Variants in NBAS observed in about 807,000 individuals in gnomAD.
NBAS encodes the protein NBAS subunit of NRZ tethering complex.
In NBAS, 219 loss-of-function variants were observed where a neutral mutation model predicts 302.5. The observed-to-expected ratio is 0.72, with a 90% CI of 0.65 to 0.81. NBAS has a LOEUF of 0.81. Ranked by LOEUF, NBAS falls within the 30% of genes least tolerant of loss-of-function variation. NBAS has a pLI of 0.00. For synonymous variants in NBAS, 1,118 were observed against 1,021.6 expected, an observed-to-expected ratio of 1.09 and a Z score of -1.80; for missense variants, 2,932 against 2,841.6, an observed-to-expected ratio of 1.03 and a Z score of -0.72.
chr2:15,350,052 A>G (rs1179180905), intron 35 of NBAS, among the ~76,000 whole-genome samples: 1 of 152,120 alleles, frequency 6.6e-6, no homozygotes, highest in African/African-American at 2.4e-5. Context: ...CTTAGTATTG[A>G]ACTGGGAATA....
the NBAS span, among the ~76,000 whole-genome samples, chr2:14,937,239 T>G: frequency 6.6e-6 from 1 of 152,188 alleles, no homozygotes; most frequent in Non-Finnish European, 1.5e-5. Context: ...CATAGTAGAT[T>G]GTTACAAGTA....
chr2:15,109,736 T>C, the NBAS span, among the ~76,000 whole-genome samples: 12 of 152,040 alleles, frequency 7.9e-5, no homozygotes, highest in Non-Finnish European at 1.8e-4. Flanking sequence ...ACTAATCCCA[T>C]TCATGAGAGC....
intron 44 of NBAS, among the ~76,000 whole-genome samples, chr2:15,240,446 C>CAAAAAAAAAAAAAAAA (rs1175235771): frequency 1.3e-5 from 1 of 75,380 alleles, no homozygotes; most frequent in Non-Finnish European, 3.1e-5. Context: ...ACTAAAAATA[C>CAAAAAAAAAAAAAAAA]AAAAAAAAAA....
At chr2:15,343,670 G>T (rs1015917692) in intron 35 of NBAS, among the ~76,000 whole-genome samples, 7 of 151,818 alleles carry the variant, frequency 4.6e-5, no homozygotes, top group African/African-American at 1.7e-4. Flanking sequence ...TATACCTCAA[G>T]TCTATACTTA....
chr2:15,173,918 C>T (rs1345443714), intron 51 of NBAS, among the ~76,000 whole-genome samples: 1 of 152,182 alleles, frequency 6.6e-6, no homozygotes, highest in Non-Finnish European at 1.5e-5. Flanking sequence ...AATATTTTAT[C>T]GCATCTTTAC....
At chr2:15,441,720 TAAAG>T (rs1336308122) in intron 21 of NBAS, among the ~76,000 whole-genome samples, 1,887 of 152,058 alleles carry the variant, frequency 0.012, 23 homozygotes, top group East Asian at 0.058. Flanking sequence ...GCAAATTGGA[TAAAG>T]AGTCAAGACT....
At chr2:15,386,545 AG>A (rs1015519400) in intron 28 of NBAS, among the ~76,000 whole-genome samples, 4 of 152,138 alleles carry the variant, frequency 2.6e-5, no homozygotes, top group Non-Finnish European at 5.9e-5. Flanking sequence ...GTCTCCCTAC[AG>A]ATCTGGAATT....
chr2:14,971,753 T>C, the NBAS span, among the ~76,000 whole-genome samples: 2 of 152,172 alleles, frequency 1.3e-5, no homozygotes, highest in East Asian at 3.9e-4. Context: ...ACCATGCTTG[T>C]GGAGTCATGA....
Position 15,179,040 on chromosome 2 carries a change from C to T in NBAS, c.6788G>A (p.Arg2263Gln), listed in dbSNP as rs574794539. Reference protein sequence around the residue: ...LPSLKLLLESRDEHLHEMALE... With the variant: ...LPSLKLLLESQDEHLHEMALE... Reference sequence around the variant, plus strand: ...TGCCATCTCGTGCAGATGCTCATCTCGGCTCTCGAGGAGAAGTTTCAGAGA... The same window carrying T: ...TGCCATCTCGTGCAGATGCTCATCTTGGCTCTCGAGGAGAAGTTTCAGAGA... Residue 2263 changes from arginine (R) to glutamine (Q), a missense_variant, in exon 51 of 52, where the codon CGA becomes CAA. Arg to Gln is a conservative substitution (Grantham distance 43). Coordinates refer to ENST00000281513, the MANE Select transcript of NBAS (RefSeq NM_015909.4). 9.3e-6 allele frequency: 15 copies of T among 1,613,978 alleles called. No homozygotes were observed. Among genetic ancestry groups the T allele is most frequent in the South Asian group, 6.6e-5 (6 of 91,064 alleles).
the NBAS span, among the ~76,000 whole-genome samples, chr2:14,860,657 T>C: frequency 6.6e-6 from 1 of 152,142 alleles, no homozygotes; most frequent in Non-Finnish European, 1.5e-5. Context: ...AGAGATTAGA[T>C]TGGCAGTTAC....
chr2:15,353,508 C>T (rs764859062), intron 34 of NBAS, 45 bp downstream of exon 34: 6 of 1,610,662 alleles, frequency 3.7e-6, no homozygotes, highest in African/African-American at 1.3e-5. Flanking sequence ...CACCCAACAA[C>T]ATGGACGTCA....
At chr2:15,472,851 A>G (rs1680018043) in intron 16 of NBAS, among the ~76,000 whole-genome samples, 1 of 152,234 alleles carries the variant, frequency 6.6e-6, no homozygotes, top group Non-Finnish European at 1.5e-5. Context: ...ATCTCTGGTT[A>G]CTAGAAAATA....
chr2:15,112,374 T>A, the NBAS span, among the ~76,000 whole-genome samples: 16 of 151,722 alleles, frequency 1.1e-4, no homozygotes, highest in African/African-American at 2.9e-4. Context: ...TGTGAAAAAA[T>A]TAATAAAAGG....
intron 44 of NBAS, among the ~76,000 whole-genome samples, chr2:15,251,024 C>T (rs529524854): frequency 4.6e-5 from 7 of 152,252 alleles, no homozygotes; most frequent in South Asian, 2.1e-4. Context: ...TTTACTGAGG[C>T]ACTGTTCACA....
At chr2:14,962,905 C>T in the NBAS span, among the ~76,000 whole-genome samples, 4,606 of 151,194 alleles carry the variant, frequency 0.03, 104 homozygotes, top group Non-Finnish European at 0.048. Flanking sequence ...GGCTGGCAAA[C>T]GACAGCCTGC....
At chr2:15,008,520 C>T in the NBAS span, among the ~76,000 whole-genome samples, 7 of 152,340 alleles carry the variant, frequency 4.6e-5, no homozygotes, top group South Asian at 1.2e-3. Flanking sequence ...TTTCCTTTCT[C>T]ATGTCCCTTC....
At chr2:15,192,258 GGTCT>G (rs1665396247) in intron 48 of NBAS, among the ~76,000 whole-genome samples, 1 of 145,158 alleles carries the variant, frequency 6.9e-6, no homozygotes, top group East Asian at 2.0e-4. Context: ...TTTGTCCACT[GGTCT>G]ATCTCAACTC....
At chr2:15,342,699 AT>A (rs1382501249) in intron 35 of NBAS, among the ~76,000 whole-genome samples, 1 of 152,028 alleles carries the variant, frequency 6.6e-6, no homozygotes, top group African/African-American at 2.4e-5. Context: ...TGTTTATTAA[AT>A]TATTTTTATA....
the NBAS span, among the ~76,000 whole-genome samples, chr2:15,012,899 C>G: frequency 2.0e-5 from 3 of 152,032 alleles, no homozygotes; most frequent in African/African-American, 7.2e-5. Flanking sequence ...ACTTTGTCAC[C>G]CAGCCTGGAT....
Sources: allele counts gnomAD v4.1 joint callset (sites outside exome capture counted in the v4.1 genomes callset), GRCh38; gene constraint gnomAD v4.1.1; transcripts MANE v1.5; gene names NCBI Gene and HGNC (gene_info 2026-07-23, HGNC 2026-07-21).